ANAPC5: variants seen among roughly 807,000 people sequenced by gnomAD.
ANAPC5 encodes the protein anaphase promoting complex subunit 5.
Under a neutral mutation model 91.3 loss-of-function variants are expected in ANAPC5, and 60 were observed. That is an observed-to-expected ratio of 0.66 (90% CI 0.53 to 0.81). The LOEUF is 0.81. Ranked by LOEUF, ANAPC5 falls within the 40% of genes least tolerant of loss-of-function variation. ANAPC5 has a pLI of 0.00. For missense variants in ANAPC5, 690 were observed against 931.5 expected, an observed-to-expected ratio of 0.74 and a Z score of 3.37; for synonymous variants, 340 against 364.1, an observed-to-expected ratio of 0.93 and a Z score of 0.75.
rs770020825 is a variant in ANAPC5 at position 121,320,462 on chromosome 12, A to C, written c.1441-3T>G. On this transcript the variant is annotated splice_region_variant and splice_polypyrimidine_tract_variant and intron_variant, in intron 11 of 16. Coordinates refer to ENST00000261819, the MANE Select transcript of ANAPC5 (RefSeq NM_016237.5). ...TCAGAAGCTGCAGCAAAACAGCCCT[A>C]AAGTAGAAACACACAATTTGATCAG... The C allele has an allele frequency of 1.9e-6, 3 of 1,613,528 alleles. No homozygotes were observed. In the East Asian group the frequency reaches 6.7e-5, roughly 36 times the overall value.
intron 6 of ANAPC5, among the ~76,000 whole-genome samples, 196 bp downstream of exon 6, chr12:121,337,095 G>A (rs1208100752): frequency 2.0e-5 from 3 of 152,184 alleles, no homozygotes; most frequent in Non-Finnish European, 2.9e-5. Flanking sequence ...GCACGTGCCT[G>A]TAATCCCAGC....
chr12:121,325,015 A>C (rs1902756254), intron 11 of ANAPC5, among the ~76,000 whole-genome samples: 1 of 152,178 alleles, frequency 6.6e-6, no homozygotes, highest in Non-Finnish European at 1.5e-5. Flanking sequence ...AAGATATTTT[A>C]ATTAGCTGTG....
chr12:121,319,112 CAA>C (rs140305746), intron 13 of ANAPC5, among the ~76,000 whole-genome samples: 18,902 of 121,130 alleles, frequency 0.16, 2,928 homozygotes, highest in African/African-American at 0.46. Context: ...TGTGTATACA[CAA>C]ACACACACAC....
At chr12:121,325,400 T>C (rs1566185240) in intron 11 of ANAPC5, among the ~76,000 whole-genome samples, 2 of 151,292 alleles carry the variant, frequency 1.3e-5, no homozygotes, top group Non-Finnish European at 2.9e-5. Flanking sequence ...GAGGCAGAGG[T>C]TGCAGTGAGC....
chr12:121,334,244 A>C (rs1903144218), intron 7 of ANAPC5: 1 of 152,224 alleles, frequency 6.6e-6, no homozygotes, highest in Non-Finnish European at 1.5e-5. Context: ...ATACTACTGC[A>C]CTCCAGCCTG....
chr12:121,352,510 T>A, upstream of ANAPC5: 1 of 591,950 alleles, frequency 1.7e-6, no homozygotes. Context: ...TCAGAGCACA[T>A]GGGAGAGCGA....
At chr12:121,343,753 A>G (rs967970835) in intron 4 of ANAPC5, among the ~76,000 whole-genome samples, 1 of 152,234 alleles carries the variant, frequency 6.6e-6, no homozygotes, top group Non-Finnish European at 1.5e-5. Context: ...GGATTACAGT[A>G]GCCTAACAGC....
chr12:121,335,702 T>C lies in ANAPC5; in HGVS notation c.781A>G (p.Asn261Asp). The C allele has an allele frequency of 6.2e-7, 1 of 1,606,228 alleles. No homozygotes were observed. The highest frequency in any genetic ancestry group is 8.5e-7 in the Non-Finnish European group (1 of 1,173,472). Residue 261 changes from asparagine to aspartate, a missense_variant, in exon 7 of 17, where the codon AAC (asparagine) becomes GAC (aspartate). Asn to Asp is a conservative substitution (Grantham distance 23, BLOSUM62 1). Coordinates refer to ENST00000261819, the MANE Select transcript of ANAPC5 (RefSeq NM_016237.5). ...AEAHYLSYLNNLRVQDVFSST... is the reference protein window; with the variant it reads ...AEAHYLSYLNDLRVQDVFSST... ...CTGAAAACATCTTGGACACGGAGGT[T>C]GTTTAAGTAGCTGAGATAATGCTAA...
chr12:121,348,667 A>G (rs782399124), intron 1 of ANAPC5, among the ~76,000 whole-genome samples: 4 of 152,220 alleles, frequency 2.6e-5, no homozygotes, highest in East Asian at 3.9e-4. Flanking sequence ...TCCGTCTCCA[A>G]TAAAAAAAAA....
chr12:121,332,066 C>T (rs534033853), intron 7 of ANAPC5: 37 of 152,270 alleles, frequency 2.4e-4, no homozygotes, highest in African/African-American at 7.5e-4. Flanking sequence ...AACTTCTGGC[C>T]TCAGGCGATC....
chr12:121,312,289 C>T (rs939554291), intron 15 of ANAPC5, among the ~76,000 whole-genome samples: 16 of 152,096 alleles, frequency 1.1e-4, no homozygotes, highest in Non-Finnish European at 1.6e-4. Flanking sequence ...TCTGGCTGGG[C>T]GCAGTGGCTC....
In ANAPC5 at chr12:121,347,012, G is replaced by A; in HGVS notation, c.288-7C>T. ...TTCAGCCATCAGTTTGATTCTGAATGAGAAAATCGAGGTGCATATTTTAGA... is the reference window on the plus strand; with the variant it reads ...TTCAGCCATCAGTTTGATTCTGAATAAGAAAATCGAGGTGCATATTTTAGA... On this transcript the variant is annotated splice_region_variant and splice_polypyrimidine_tract_variant and intron_variant, in intron 2 of 16. Transcript: ENST00000261819. 3 of 1,580,182 alleles carry A rather than the reference G, an allele frequency of 1.9e-6. No individual in the cohort carries two copies. In the South Asian group the frequency reaches 3.5e-5, roughly 18 times the overall value.
At chr12:121,347,498 G>T (rs1038613647) in intron 2 of ANAPC5, 1 of 335,992 alleles carries the variant, frequency 3.0e-6, no homozygotes, top group Non-Finnish European at 5.4e-6. Flanking sequence ...AGGTTTGGTG[G>T]TGTATGCTTG....
At chr12:121,351,039 A>G (rs1259087842) in intron 1 of ANAPC5, 2 of 443,702 alleles carry the variant, frequency 4.5e-6, no homozygotes, top group African/African-American at 4.1e-5. Flanking sequence ...GAATTAAGGA[A>G]CTTAATTATC....
intron 5 of ANAPC5, among the ~76,000 whole-genome samples, chr12:121,341,400 G>A (rs1903454148): frequency 6.6e-6 from 1 of 152,056 alleles, no homozygotes; most frequent in African/African-American, 2.4e-5. Context: ...AACCCAGGAG[G>A]CAGAGGTAGC....
intron 4 of ANAPC5, among the ~76,000 whole-genome samples, chr12:121,345,167 G>A (rs576889000): frequency 2.0e-5 from 3 of 152,268 alleles, no homozygotes; most frequent in Admixed American, 2.0e-4. Context: ...AGGACAGGGA[G>A]GAATCAAGGA....
chr12:121,353,320 A>G (rs1482680778), upstream of ANAPC5, among the ~76,000 whole-genome samples: 3 of 152,172 alleles, frequency 2.0e-5, no homozygotes, highest in African/African-American at 7.2e-5. Flanking sequence ...TTAGTTCTCT[A>G]TACCCTGAAT....
Position 121,345,885 on chromosome 12 carries a change from C to T in ANAPC5, c.544G>A (p.Glu182Lys), listed in dbSNP as rs1555274616. ...DADMELTSRDEGERKMEKEEL... is the reference protein window; with the variant it reads ...DADMELTSRDKGERKMEKEEL... ...TCTTTTTCCATTTTTCTTTCACCCT[C>T]ATCTCTACTGGTCAGTTCCATATCA... Residue 182 changes from glutamate to lysine, a missense_variant, in exon 4 of 17, where the codon GAG (glutamate) becomes AAG (lysine). By Grantham distance (56) the Glu-to-Lys change is moderately conservative. This residue lies in a region of ANAPC5 where 238 missense variants were observed against 264.9 expected (regional missense o/e 0.90). Coordinates refer to ENST00000261819, the MANE Select transcript of ANAPC5 (RefSeq NM_016237.5). 1 of 1,614,138 alleles carries T rather than the reference C, an allele frequency of 6.2e-7. No homozygotes were observed. The highest frequency in any genetic ancestry group is 8.5e-7 in the Non-Finnish European group (1 of 1,180,022).
At chr12:121,340,233 G>A (rs1173162481) in intron 5 of ANAPC5, among the ~76,000 whole-genome samples, 21 of 148,434 alleles carry the variant, frequency 1.4e-4, no homozygotes, top group Admixed American at 1.0e-3. Flanking sequence ...CAGGAGAATC[G>A]CTTGAACCCG....
Sources: allele counts gnomAD v4.1 joint callset (sites outside exome capture counted in the v4.1 genomes callset), GRCh38; gene constraint gnomAD v4.1.1; regional missense constraint gnomAD v4.1.1; transcripts MANE v1.5; gene names NCBI Gene and HGNC (gene_info 2026-07-23, HGNC 2026-07-21).